Variants in MLLT10 observed in about 807,000 individuals in gnomAD.
MLLT10 encodes the protein MLLT10 histone lysine methyltransferase DOT1L cofactor.
Under a neutral mutation model 129.1 loss-of-function variants are expected in MLLT10, and 30 were observed. That is an observed-to-expected ratio of 0.23 (90% CI 0.17 to 0.32). The LOEUF (loss-of-function observed/expected upper bound fraction) is 0.32. MLLT10 is among the 10% of genes least tolerant of loss of function. The pLI, the probability that MLLT10 is intolerant of heterozygous loss-of-function variation, is 1.00. For missense variants in MLLT10, 1,119 were observed against 1,268.3 expected, an observed-to-expected ratio of 0.88 and a Z score of 1.79; for synonymous variants, 490 against 446.4, an observed-to-expected ratio of 1.10 and a Z score of -1.23.
chr10:21,613,847 A>G (rs1589235803), intron 6 of MLLT10, among the ~76,000 whole-genome samples: 1 of 151,994 alleles, frequency 6.6e-6, no homozygotes, highest in Non-Finnish European at 1.5e-5. Context: ...CCGAGGTTGC[A>G]GTGAGCTGAG....
chr10:21,625,558 A>T, intron 8 of MLLT10: 1 of 773,202 alleles, frequency 1.3e-6, no homozygotes. Context: ...TGTGATCCTC[A>T]CATTTAAGGA....
chr10:21,582,888 T>C (rs2041620131), intron 3 of MLLT10, among the ~76,000 whole-genome samples: 26 of 152,124 alleles, frequency 1.7e-4, no homozygotes. Context: ...AGTGTCTATG[T>C]AGGCTGGGTG....
At chr10:21,650,989 A>G (rs1196881865) in intron 8 of MLLT10, among the ~76,000 whole-genome samples, 1 of 152,228 alleles carries the variant, frequency 6.6e-6, no homozygotes, top group Non-Finnish European at 1.5e-5. Context: ...AGTGCTATGT[A>G]AACTTTAAAG....
At chr10:21,651,031 G>GT (rs1205713260) in intron 8 of MLLT10, among the ~76,000 whole-genome samples, 1 of 141,564 alleles carries the variant, frequency 7.1e-6, no homozygotes, top group African/African-American at 2.6e-5. Flanking sequence ...AAAGTATTTG[G>GT]TGGTTGTGTT....
chr10:21,676,514 A>G (rs2052141535), intron 11 of MLLT10, among the ~76,000 whole-genome samples: 1 of 151,956 alleles, frequency 6.6e-6, no homozygotes, highest in African/African-American at 2.4e-5. Context: ...TGAGGTCAAG[A>G]GATCTAGACC....
intron 21 of MLLT10, among the ~76,000 whole-genome samples, chr10:21,735,701 T>G (rs2058311102): frequency 6.6e-6 from 1 of 151,932 alleles, no homozygotes; most frequent in Non-Finnish European, 1.5e-5. Flanking sequence ...CTTTGTGACT[T>G]GAGGGAACGC....
intron 17 of MLLT10, 111 bp from the exon 18 acceptor site, chr10:21,732,779 CACTTTACAG>C: frequency 2.6e-6 from 2 of 764,456 alleles, no homozygotes; most frequent in Non-Finnish European, 3.9e-6. Flanking sequence ...CATTTAGAAA[CACTTTACAG>C]AATTTCTACT....
chr10:21,536,342 A>G (rs1235078932), intron 2 of MLLT10, among the ~76,000 whole-genome samples: 1 of 152,188 alleles, frequency 6.6e-6, no homozygotes, highest in Admixed American at 6.5e-5. Flanking sequence ...TCCCATGTTC[A>G]TTGGCATTTT....
intron 3 of MLLT10, among the ~76,000 whole-genome samples, chr10:21,565,184 A>C (rs1389758555): frequency 6.6e-6 from 1 of 151,904 alleles, no homozygotes; most frequent in Non-Finnish European, 1.5e-5. Flanking sequence ...ATGTTAATAT[A>C]GTCACTCCAG....
At chr10:21,667,237 C>G (rs1450525867) in intron 9 of MLLT10, among the ~76,000 whole-genome samples, 3 of 151,884 alleles carry the variant, frequency 2.0e-5, no homozygotes, top group Admixed American at 6.6e-5. Flanking sequence ...AAAGAAAAGC[C>G]TGGTTTCTTG....
At chr10:21,710,287 T>A (rs1397001138) in intron 13 of MLLT10, among the ~76,000 whole-genome samples, 1 of 152,136 alleles carries the variant, frequency 6.6e-6, no homozygotes. Context: ...GCCACATAGG[T>A]AACATAAATG....
chr10:21,560,692 C>T (rs2038698082), intron 3 of MLLT10, among the ~76,000 whole-genome samples: 1 of 152,158 alleles, frequency 6.6e-6, no homozygotes, highest in East Asian at 1.9e-4. Flanking sequence ...AAGCAATTCT[C>T]CTGCCTGAGC....
chr10:21,646,222 C>CA lies in MLLT10; in HGVS notation c.700-5444dup, dbSNP rs571445928. Reference sequence around the variant, plus strand: ...TGTATCCCAAAAAAGAAAACAAAAACAAAAAAACCCCTCTCCTGTATAACT... The same window carrying CA: ...TGTATCCCAAAAAAGAAAACAAAAACAAAAAAAACCCCTCTCCTGTATAACT... On this transcript the variant is annotated intron_variant, in intron 8 of 22. Coordinates refer to ENST00000307729, the MANE Select transcript of MLLT10 (RefSeq NM_001195626.3). Among the ~76,000 whole-genome samples the CA allele has an allele frequency of 9.2e-5, 14 of 151,932 alleles. No homozygotes were observed. In the South Asian group the frequency reaches 2.7e-3, roughly 29 times the overall value.
chr10:21,569,022 C>T (rs529049595), intron 3 of MLLT10, among the ~76,000 whole-genome samples: 2 of 152,208 alleles, frequency 1.3e-5, no homozygotes, highest in South Asian at 4.1e-4. Context: ...AGATTAATAT[C>T]ACAGTTGTAA....
At chr10:21,668,678 A>G (rs2051089491) in intron 9 of MLLT10, among the ~76,000 whole-genome samples, 1 of 152,010 alleles carries the variant, frequency 6.6e-6, no homozygotes, top group African/African-American at 2.4e-5. Context: ...TCCAAATGTC[A>G]TGTTTTCATG....
chr10:21,632,284 T>C (rs1250470209), intron 8 of MLLT10, among the ~76,000 whole-genome samples: 1 of 151,858 alleles, frequency 6.6e-6, no homozygotes, highest in Non-Finnish European at 1.5e-5. Flanking sequence ...AATAGAGTTA[T>C]TTTTTGCAAC....
chr10:21,618,838 T>C (rs1449590595), intron 8 of MLLT10, among the ~76,000 whole-genome samples: 1 of 151,948 alleles, frequency 6.6e-6, no homozygotes, highest in Non-Finnish European at 1.5e-5. Flanking sequence ...GTTCAAGTGA[T>C]TGTCGTGCCT....
chr10:21,662,786 T>C (rs2050345059), intron 9 of MLLT10, among the ~76,000 whole-genome samples: 1 of 152,230 alleles, frequency 6.6e-6, no homozygotes, highest in South Asian at 2.1e-4. Flanking sequence ...GGAACTGCAC[T>C]ATAAATAGGC....
At chr10:21,598,992 A>G (rs540495443) in intron 5 of MLLT10, among the ~76,000 whole-genome samples, 1 of 152,144 alleles carries the variant, frequency 6.6e-6, no homozygotes, top group African/African-American at 2.4e-5. Context: ...AGCCTGACCA[A>G]GATGGCGAAA....
Sources: gnomAD v4.1 joint callset for allele counts (sites outside exome capture counted in the v4.1 genomes callset) on GRCh38, gnomAD v4.1.1 for gene constraint, MANE v1.5 for transcripts, NCBI Gene and HGNC (gene_info 2026-07-23, HGNC 2026-07-21) for gene names.